SPSB1: variants seen among roughly 807,000 people sequenced by gnomAD.
SPSB1 encodes splA/ryanodine receptor domain and SOCS box containing 1, also known as SPRY domain-containing SOCS box protein 1.
Under a neutral mutation model 21.2 loss-of-function variants are expected in SPSB1, and 8 were observed. The ratio of observed to expected loss-of-function variants is 0.38; its 90% CI spans 0.22 to 0.68. SPSB1 has a LOEUF of 0.68. SPSB1 is among the 30% of genes least tolerant of loss of function. The pLI, the probability that SPSB1 is intolerant of heterozygous loss-of-function variation, is 0.53. For missense variants in SPSB1, 242 were observed against 377.8 expected, an observed-to-expected ratio of 0.64 and a Z score of 2.98; for synonymous variants, 169 against 161.7, an observed-to-expected ratio of 1.05 and a Z score of -0.34.
intron 2 of SPSB1, among the ~76,000 whole-genome samples, chr1:9,364,416 G>A (rs1335199443): frequency 2.6e-5 from 4 of 152,242 alleles, no homozygotes; most frequent in Non-Finnish European, 5.9e-5. Flanking sequence ...TCTGGATTCC[G>A]TGTCTTACAG....
At chr1:9,335,539 T>A (rs1212857745) in intron 1 of SPSB1, among the ~76,000 whole-genome samples, 1 of 149,772 alleles carries the variant, frequency 6.7e-6, no homozygotes, top group East Asian at 2.0e-4. Flanking sequence ...TCGGGTGCAG[T>A]GGCTCACGCC....
In SPSB1 at chr1:9,324,120, A is replaced by C. The variant is rs571103971; in HGVS notation, c.-150+31049A>C. 6.6e-6 allele frequency among the ~76,000 whole-genome samples: 1 copy of C among 152,182 alleles called. No individual in the cohort carries two copies. Among genetic ancestry groups the C allele is most frequent in the Non-Finnish European group, 1.5e-5 (1 of 68,010 alleles). On this transcript the variant is annotated intron_variant, in intron 1 of 2. Coordinates refer to ENST00000328089, the MANE Select transcript of SPSB1 (RefSeq NM_025106.4). This position sits in a 1 kb window ranked among gnomAD's most constrained non-coding sequence, Gnocchi z 4.3. ...CCTTTTTTCCTAGGTTTTTCAGTCC[A>C]TATCTTTTTTTGTGTGCCAAAGTGG...
At chr1:9,306,886 G>A (rs991727528) in intron 1 of SPSB1, among the ~76,000 whole-genome samples, 8 of 151,420 alleles carry the variant, frequency 5.3e-5, no homozygotes, top group Non-Finnish European at 1.2e-4. Context: ...CTGTGACATT[G>A]GCTAATTAGG....
At chr1:9,309,301 A>AGAGAGAGAGAGT (rs1245605413) in intron 1 of SPSB1, among the ~76,000 whole-genome samples, 4 of 133,230 alleles carry the variant, frequency 3.0e-5, no homozygotes, top group African/African-American at 1.2e-4. Context: ...AGAGAGAGAG[A>AGAGAGAGAGAGT]GTGTGTGTGT....
At chr1:9,301,575 G>C (rs183157092) in intron 1 of SPSB1, among the ~76,000 whole-genome samples, 2 of 152,114 alleles carry the variant, frequency 1.3e-5, no homozygotes, top group African/African-American at 4.8e-5. Flanking sequence ...TAGACCTCCC[G>C]AGTGCGCACA....
chr1:9,304,074 G>A (rs548256080), intron 1 of SPSB1, among the ~76,000 whole-genome samples: 1 of 152,306 alleles, frequency 6.6e-6, no homozygotes, highest in East Asian at 1.9e-4. Context: ...TCAGCTGGTG[G>A]CCTGGATGGA....
intron 1 of SPSB1, among the ~76,000 whole-genome samples, chr1:9,311,667 C>G (rs1253175663): frequency 6.6e-6 from 1 of 152,152 alleles, no homozygotes; most frequent in African/African-American, 2.4e-5. Context: ...ACTCCCGCTG[C>G]TTCTGGCAAA....
chr1:9,355,952 C>A lies in SPSB1; in HGVS notation c.61C>A (p.Pro21Thr), dbSNP rs1318615025. 6.2e-7 allele frequency: 1 copy of A among 1,613,088 alleles called. No individual in the cohort carries two copies. Among genetic ancestry groups the A allele is most frequent in the Non-Finnish European group, 8.5e-7 (1 of 1,179,454 alleles). Residue 21 changes from proline (P) to threonine (T), a missense_variant, in exon 2 of 3, where the codon CCC (proline) becomes ACC (threonine). Coordinates refer to ENST00000328089, the MANE Select transcript of SPSB1 (RefSeq NM_025106.4). The stretch of plus-strand genomic sequence containing the variant: ...GGACATGAGGGACCCCACGTACAGG[C>A]CCCTGAAGCAGGAGCTCCAGGGTCT... Reference protein sequence around the residue: ...TVDMRDPTYRPLKQELQGLDY... With the variant: ...TVDMRDPTYRTLKQELQGLDY...
intron 1 of SPSB1, among the ~76,000 whole-genome samples, chr1:9,298,353 T>A (rs1639258987): frequency 6.6e-6 from 1 of 152,186 alleles, no homozygotes; most frequent in African/African-American, 2.4e-5. Flanking sequence ...TAACCCAGTT[T>A]ACACAACTAA....
At chr1:9,306,922 C>CTTCTTTTTTTTTTT (rs1557446027) in intron 1 of SPSB1, among the ~76,000 whole-genome samples, 1 of 133,186 alleles carries the variant, frequency 7.5e-6, no homozygotes. Flanking sequence ...TACTTTTCTT[C>CTTCTTTTTTTTTTT]TTTTCTTCTT....
At chr1:9,337,806 G>C (rs72643827) in intron 1 of SPSB1, among the ~76,000 whole-genome samples, 4,024 of 152,312 alleles carry the variant, frequency 0.026, 63 homozygotes, top group Non-Finnish European at 0.036. Flanking sequence ...CTCTGTCTCT[G>C]TCTCTCCTGG....
intron 2 of SPSB1, among the ~76,000 whole-genome samples, chr1:9,364,959 C>A (rs1157064019): frequency 1.3e-5 from 2 of 152,098 alleles, no homozygotes. Context: ...TCAAGTGATT[C>A]TCCTGCCTTA....
rs1488948234 is a variant in SPSB1, at chr1:9,367,046, A to G, written c.695-402A>G. 6.6e-6 allele frequency among the ~76,000 whole-genome samples: 1 copy of G among 152,218 alleles called. No individual in the cohort carries two copies. The highest frequency in any genetic ancestry group is 2.4e-5 in the African/African-American group (1 of 41,464). On this transcript the variant is annotated intron_variant, in intron 2 of 2. Transcript: ENST00000328089. The surrounding 1 kb of genome is among the most constrained non-coding windows in gnomAD (Gnocchi z 5.9). ...GCTTGCCTGGACAGGCAGAGTCACC[A>G]GTGGGGAAGAGCAGGGATCGCCTGG...
intron 1 of SPSB1, among the ~76,000 whole-genome samples, chr1:9,318,081 G>A (rs796271010): frequency 1.3e-4 from 20 of 152,354 alleles, no homozygotes; most frequent in African/African-American, 4.8e-4. Flanking sequence ...GAAACGCAGC[G>A]ATTGTTCTGG....
chr1:9,323,669 G>A (rs1031961715), intron 1 of SPSB1, among the ~76,000 whole-genome samples: 5 of 152,350 alleles, frequency 3.3e-5, no homozygotes, highest in South Asian at 2.1e-4. Flanking sequence ...GGCTGCCCGC[G>A]CGTCTCCAGG....
intron 1 of SPSB1, among the ~76,000 whole-genome samples, chr1:9,311,818 G>A (rs900918938): frequency 6.6e-5 from 10 of 152,056 alleles, no homozygotes; most frequent in Non-Finnish European, 1.3e-4. Context: ...GGTGGGTTTG[G>A]TGCATCCCTG....
chr1:9,310,643 T>C (rs1412467722), intron 1 of SPSB1, among the ~76,000 whole-genome samples: 4 of 151,844 alleles, frequency 2.6e-5, no homozygotes, highest in Non-Finnish European at 5.9e-5. Flanking sequence ...TGCAGTGAGT[T>C]GTGATTGCAC....
rs946149050 is a variant in SPSB1, at chr1:9,345,537, G to T, written c.-149-10206G>T. ...TGTCCCTGGGGTCCCTCAAGAACTG[G>T]CTTCTCGTCTGCATCAGGCACAGTC... On this transcript the variant is annotated intron_variant, in intron 1 of 2. Coordinates refer to ENST00000328089, the MANE Select transcript of SPSB1 (RefSeq NM_025106.4). This position sits in a 1 kb window ranked among gnomAD's most constrained non-coding sequence, Gnocchi z 4.8. 6.6e-6 allele frequency among the ~76,000 whole-genome samples: 1 copy of T among 152,142 alleles called. No individual in the cohort carries two copies. Among genetic ancestry groups the T allele is most frequent in the Non-Finnish European group, 1.5e-5 (1 of 68,026 alleles).
Position 9,346,676 on chromosome 1 carries a change from C to T in SPSB1, c.-149-9067C>T, listed in dbSNP as rs1226385054. 6.6e-6 allele frequency among the ~76,000 whole-genome samples: 1 copy of T among 152,210 alleles called. No individual in the cohort carries two copies. The highest frequency in any genetic ancestry group is 1.5e-5 in the Non-Finnish European group (1 of 68,034). On this transcript the variant is annotated intron_variant, in intron 1 of 2. Coordinates refer to ENST00000328089, the MANE Select transcript of SPSB1 (RefSeq NM_025106.4). The surrounding 1 kb of genome is among the most constrained non-coding windows in gnomAD (Gnocchi z 4.4). ...GGCCTGTCTCAGCCTCCCCCAGGGT[C>T]TGCTCTCAGTGCCTCATTCCTCCTC...
Sources: allele counts gnomAD v4.1 joint callset (sites outside exome capture counted in the v4.1 genomes callset), GRCh38; gene constraint gnomAD v4.1.1; non-coding constraint Gnocchi (gnomAD v3.1); transcripts MANE v1.5; gene names NCBI Gene and HGNC (gene_info 2026-07-23, HGNC 2026-07-21).